ITGA9: variants seen among roughly 807,000 people sequenced by gnomAD.
ITGA9 encodes integrin subunit alpha 9.
In ITGA9, 56 loss-of-function variants were observed where a neutral mutation model predicts 127.8. That is an observed-to-expected ratio of 0.44 (90% CI 0.35 to 0.55). The LOEUF is 0.55. Among genes scored for constraint, ITGA9 ranks in the 20% least tolerant of loss-of-function variants. The pLI, the probability that ITGA9 is intolerant of heterozygous loss-of-function variation, is 0.00. For synonymous variants in ITGA9, 508 were observed against 514.5 expected, an observed-to-expected ratio of 0.99 and a Z score of 0.17; for missense variants, 1,196 against 1,347.1, an observed-to-expected ratio of 0.89 and a Z score of 1.76.
At chr3:37,615,123 A>G (rs1481367171) in intron 15 of ITGA9, among the ~76,000 whole-genome samples, 1 of 152,148 alleles carries the variant, frequency 6.6e-6, no homozygotes, top group Non-Finnish European at 1.5e-5. Context: ...AGCTCTTGTT[A>G]TTTTGAGATA....
Position 37,706,063 on chromosome 3 carries a change from G to A in ITGA9, c.2067+22048G>A, listed in dbSNP as rs1194106713. ...GGTAGATAGTCTGTCAGCTCTGTGGGGTGGGTGTGCCATTTGGGGGGAAAT... is the reference window on the plus strand; with the variant it reads ...GGTAGATAGTCTGTCAGCTCTGTGGAGTGGGTGTGCCATTTGGGGGGAAAT... On this transcript the variant is annotated intron_variant, in intron 18 of 27. Transcript: ENST00000264741. Among the ~76,000 whole-genome samples, 4 of 152,192 alleles carry A rather than the reference G, an allele frequency of 2.6e-5. No individual in the cohort carries two copies. The East Asian group carries it at 5.8e-4, about 22-fold the overall frequency.
intron 18 of ITGA9, among the ~76,000 whole-genome samples, chr3:37,712,783 G>T (rs1701092833): frequency 1.3e-5 from 2 of 152,178 alleles, no homozygotes; most frequent in African/African-American, 4.8e-5. Flanking sequence ...TGGTCCAATT[G>T]AGTTAAGCCT....
At chr3:37,567,958 G>A (rs371529932) in intron 15 of ITGA9, among the ~76,000 whole-genome samples, 12 of 152,158 alleles carry the variant, frequency 7.9e-5, no homozygotes, top group South Asian at 6.2e-4. Context: ...GATGGGGGCC[G>A]TCTTCTCACA....
intron 4 of ITGA9, among the ~76,000 whole-genome samples, chr3:37,487,759 TA>T (rs1401491746): frequency 1.3e-5 from 2 of 152,152 alleles, no homozygotes; most frequent in Non-Finnish European, 2.9e-5. Flanking sequence ...GGTTTCTTTG[TA>T]GCTACCTGTT....
At chr3:37,474,364 A>G (rs1039652415) in intron 3 of ITGA9, among the ~76,000 whole-genome samples, 1 of 152,226 alleles carries the variant, frequency 6.6e-6, no homozygotes, top group South Asian at 2.1e-4. Context: ...TGGCTACTCT[A>G]TTGGAAAGCA....
intron 17 of ITGA9, among the ~76,000 whole-genome samples, chr3:37,673,136 T>C (rs1021106429): frequency 6.6e-6 from 1 of 152,166 alleles, no homozygotes; most frequent in Non-Finnish European, 1.5e-5. Context: ...AGAAACAGTT[T>C]CCTATCCCTG....
intron 15 of ITGA9, among the ~76,000 whole-genome samples, chr3:37,595,259 T>A (rs1476009597): frequency 6.6e-6 from 1 of 152,042 alleles, no homozygotes; most frequent in Admixed American, 6.6e-5. Context: ...GCAGCTCTCC[T>A]ATGGCCAGCT....
intron 18 of ITGA9, among the ~76,000 whole-genome samples, chr3:37,718,059 C>T (rs958644056): frequency 1.3e-5 from 2 of 152,216 alleles, no homozygotes; most frequent in African/African-American, 4.8e-5. Context: ...TCTTCTTCTT[C>T]CTCCTAGGCT....
chr3:37,482,056 C>T (rs1698561521), intron 4 of ITGA9, among the ~76,000 whole-genome samples: 1 of 152,228 alleles, frequency 6.6e-6, no homozygotes, highest in African/African-American at 2.4e-5. Flanking sequence ...AGCTCCAAGT[C>T]AGTCATTAGG....
chr3:37,567,172 C>G (rs1699555507), intron 15 of ITGA9, among the ~76,000 whole-genome samples: 1 of 152,220 alleles, frequency 6.6e-6, no homozygotes. Flanking sequence ...GCCTTGCAAT[C>G]ATAGCAGAAA....
At chr3:37,457,189 C>G (rs73053267) in intron 1 of ITGA9, among the ~76,000 whole-genome samples, 1 of 152,196 alleles carries the variant, frequency 6.6e-6, no homozygotes, top group African/African-American at 2.4e-5. Context: ...AATTGTCTTT[C>G]TACTCATAAA....
At chr3:37,552,923 G>T (rs951415723) in intron 15 of ITGA9, among the ~76,000 whole-genome samples, 2 of 151,492 alleles carry the variant, frequency 1.3e-5, no homozygotes, top group Non-Finnish European at 2.9e-5. Context: ...GCTGAGACAG[G>T]AGAATTGTTT....
At chr3:37,530,077 G>C (rs1482188273) in intron 13 of ITGA9, among the ~76,000 whole-genome samples, 2 of 152,238 alleles carry the variant, frequency 1.3e-5, no homozygotes, top group African/African-American at 2.4e-5. Context: ...AGCAGGGAAG[G>C]CTTCAAAGAC....
intron 1 of ITGA9, among the ~76,000 whole-genome samples, chr3:37,461,663 G>A (rs929788746): frequency 1.5e-4 from 23 of 152,172 alleles, no homozygotes; most frequent in African/African-American, 5.1e-4. Context: ...TTCTAACATA[G>A]ACACACTCTT....
chr3:37,564,670 A>G (rs536922839), intron 15 of ITGA9, among the ~76,000 whole-genome samples: 1 of 152,366 alleles, frequency 6.6e-6, no homozygotes, highest in East Asian at 1.9e-4. Flanking sequence ...CACATCATCA[A>G]GATGGATATA....
At chr3:37,623,334 C>G (rs1189358410) in intron 15 of ITGA9, among the ~76,000 whole-genome samples, 3 of 152,146 alleles carry the variant, frequency 2.0e-5, no homozygotes, top group Non-Finnish European at 2.9e-5. Flanking sequence ...CGTTATTAGC[C>G]CTGAGCTCTT....
chr3:37,792,372 A>G (rs1697121841), intron 26 of ITGA9, among the ~76,000 whole-genome samples: 1 of 152,170 alleles, frequency 6.6e-6, no homozygotes, highest in Non-Finnish European at 1.5e-5. Flanking sequence ...CAAGAATTCT[A>G]TTTCCAGTTG....
intron 3 of ITGA9, among the ~76,000 whole-genome samples, chr3:37,477,278 G>T (rs888159817): frequency 6.6e-6 from 1 of 152,216 alleles, no homozygotes; most frequent in East Asian, 1.9e-4. Flanking sequence ...GGATTCCAAG[G>T]TTGGGTTTGA....
At chr3:37,647,054 A>G (rs964451215) in intron 16 of ITGA9, among the ~76,000 whole-genome samples, 2 of 152,110 alleles carry the variant, frequency 1.3e-5, no homozygotes, top group Admixed American at 1.3e-4. Flanking sequence ...ACTAGAACAC[A>G]GGCACTGAGT....
Sources: gnomAD v4.1 joint callset for allele counts (sites outside exome capture counted in the v4.1 genomes callset) on GRCh38, gnomAD v4.1.1 for gene constraint, MANE v1.5 for transcripts, NCBI Gene and HGNC (gene_info 2026-07-23, HGNC 2026-07-21) for gene names.